OR8B2: variants seen among roughly 807,000 people sequenced by gnomAD.
OR8B2 encodes olfactory receptor family 8 subfamily B member 2, also known as olfactory receptor 8B2.
For synonymous variants in OR8B2, 98 were observed against 138.2 expected, an observed-to-expected ratio of 0.71 and a Z score of 2.04; for missense variants, 304 against 379.6, an observed-to-expected ratio of 0.80 and a Z score of 1.65.
chr11:124,387,314 T>C (rs1380451271), upstream of OR8B2, among the ~76,000 whole-genome samples: 44 of 152,038 alleles, frequency 2.9e-4, no homozygotes, highest in Non-Finnish European at 5.6e-4. Flanking sequence ...TTTGGTGTTT[T>C]AGACATGAAG....
chr11:124,388,226 C>G (rs1243162815), upstream of OR8B2, among the ~76,000 whole-genome samples: 1,346 of 123,230 alleles, frequency 0.011, no homozygotes, highest in South Asian at 0.017. Context: ...TTGACTTCCT[C>G]TTTTCCTAAT....
At chr11:124,386,789 G>T (rs989575420), upstream of OR8B2, among the ~76,000 whole-genome samples, 12 of 152,114 alleles carry the variant, frequency 7.9e-5, no homozygotes, top group African/African-American at 2.9e-4. Context: ...GGGATGGCTA[G>T]GTCAGATGGT....
chr11:124,386,585 A>C (rs1003107428), upstream of OR8B2, among the ~76,000 whole-genome samples: 34 of 150,550 alleles, frequency 2.3e-4, 1 homozygote, highest in Admixed American at 7.3e-4. Context: ...AAGGACATGA[A>C]CTCATCATTT....
upstream of OR8B2, among the ~76,000 whole-genome samples, chr11:124,387,765 C>T (rs1477496393): frequency 6.8e-6 from 1 of 147,484 alleles, no homozygotes; most frequent in Non-Finnish European, 1.5e-5. Flanking sequence ...TCCATGTGAA[C>T]TTTAAAGTAG....
At chr11:124,385,506 GTGTGTGTGTGTGTGTGTC>G (rs1364827507), upstream of OR8B2, among the ~76,000 whole-genome samples, 2 of 151,722 alleles carry the variant, frequency 1.3e-5, no homozygotes, top group African/African-American at 4.8e-5. Context: ...GTGTGTGTGT[GTGTGTGTGTGTGTGTGTC>G]TGTGTGTGTG....
upstream of OR8B2, among the ~76,000 whole-genome samples, chr11:124,388,876 G>A (rs1372066330): frequency 6.7e-6 from 1 of 149,986 alleles, no homozygotes; most frequent in African/African-American, 2.5e-5. Context: ...CTCCAGGCTG[G>A]AGTGCAGTGG....
At chr11:124,383,633 G>A (rs1028593514) in intron 1 of OR8B2, among the ~76,000 whole-genome samples, 1 of 152,060 alleles carries the variant, frequency 6.6e-6, no homozygotes, top group African/African-American at 2.4e-5. Flanking sequence ...GTTGAGCTTG[G>A]GTTATATGGA....
upstream of OR8B2, among the ~76,000 whole-genome samples, chr11:124,386,978 T>C (rs1434826222): frequency 2.6e-5 from 4 of 152,260 alleles, no homozygotes; most frequent in Non-Finnish European, 5.9e-5. Flanking sequence ...TATCTCATTG[T>C]GGTTTTGATT....
upstream of OR8B2, chr11:124,384,553 CATTCTGAGGTGTAGATCAAACT>C (rs1162153221): frequency 6.6e-6 from 1 of 152,140 alleles, no homozygotes; most frequent in African/African-American, 2.4e-5. Context: ...TTCTGGGAAT[CATTCTGAGGTGTAGATCAAACT>C]ATTTATAAAT....
At chr11:124,396,619 C>T in the OR8B2 span, 10 of 1,612,274 alleles carry the variant, frequency 6.2e-6, no homozygotes, top group South Asian at 1.1e-4. Flanking sequence ...AGAGCAATGA[C>T]ATGAGAGCTA....
upstream of OR8B2, among the ~76,000 whole-genome samples, chr11:124,385,461 A>G (rs989890388): frequency 9.2e-5 from 14 of 151,574 alleles, no homozygotes; most frequent in African/African-American, 3.2e-4. Flanking sequence ...TGTTAAAGAA[A>G]CTACAGACCT....
the OR8B2 span, among the ~76,000 whole-genome samples, chr11:124,393,514 G>A: frequency 2.6e-5 from 2 of 76,136 alleles, 1 homozygote; most frequent in South Asian, 8.8e-4. Context: ...ATGAAAAAAC[G>A]TTCATCATCA....
chr11:124,385,491 CGTGTGT>C (rs57427804), upstream of OR8B2, among the ~76,000 whole-genome samples: 86,352 of 147,892 alleles, frequency 0.58, 25,761 homozygotes, highest in East Asian at 0.69. Context: ...ATTTAACATG[CGTGTGT>C]GTGTGTGTGT....
chr11:124,382,401 A>G lies in OR8B2; in HGVS notation c.*1T>C, dbSNP rs755663204. 31 of 1,592,198 alleles carry G rather than the reference A, an allele frequency of 1.9e-5. No individual in the cohort carries two copies. Among genetic ancestry groups the G allele is most frequent in the Non-Finnish European group, 2.6e-5 (30 of 1,172,778 alleles). On this transcript the variant is annotated 3_prime_UTR_variant, in exon 2 of 2. Coordinates refer to ENST00000641451, the MANE Select transcript of OR8B2 (RefSeq NM_001005468.2). ...TTGTTTTACATCATTACTGCTTCTA[A>G]TTAGAATATATTTCTCCTCTGAATT...
intron 1 of OR8B2, among the ~76,000 whole-genome samples, chr11:124,383,993 A>G (rs937412375): frequency 6.6e-6 from 1 of 152,166 alleles, no homozygotes; most frequent in African/African-American, 2.4e-5. Flanking sequence ...ATGTGCTTTC[A>G]CAGGTCTTTG....
the OR8B2 span, among the ~76,000 whole-genome samples, chr11:124,392,047 T>G: frequency 2.2e-4 from 27 of 121,944 alleles, 1 homozygote; most frequent in African/African-American, 1.1e-3. Context: ...AAAAGGCCTT[T>G]GACAAAATTC....
chr11:124,394,606 C>G, the OR8B2 span, among the ~76,000 whole-genome samples: 1 of 152,130 alleles, frequency 6.6e-6, no homozygotes, highest in East Asian at 1.9e-4. Context: ...AATTGGCCAG[C>G]TCTCTTTAAG....
rs750102647 is a variant in OR8B2, at chr11:124,382,636, T to G, written c.708A>C (p.Lys236Asn). 5.6e-6 allele frequency: 9 copies of G among 1,611,778 alleles called. No individual in the cohort carries two copies. The Admixed American group carries it at 1.5e-4, about 27-fold the overall frequency. ...CATGAGAGCTACAAGTACTGAAGGC[T>G]TTTGATCTTCCTTGAGTGGATTTGA... ...LHIKSTQGRSKAFSTCSSHVI... is the reference protein window; with the variant it reads ...LHIKSTQGRSNAFSTCSSHVI... Residue 236 changes from lysine (K) to asparagine (N), a missense_variant, in exon 2 of 2, where the codon AAA becomes AAC. By Grantham distance (94) the Lys-to-Asn change is moderately conservative. Transcript: ENST00000641451.
At chr11:124,396,539 T>G in the OR8B2 span, 12 of 1,613,876 alleles carry the variant, frequency 7.4e-6, no homozygotes, top group Non-Finnish European at 1.0e-5. Context: ...CAGAAGAAAC[T>G]TTTCCCTGCT....
Sources: gnomAD v4.1 joint callset for allele counts (sites outside exome capture counted in the v4.1 genomes callset) on GRCh38, gnomAD v4.1.1 for gene constraint, MANE v1.5 for transcripts, NCBI Gene and HGNC (gene_info 2026-07-23, HGNC 2026-07-21) for gene names.